The following FMNL3 variants were observed in gnomAD, a reference collection of about 807,000 sequenced individuals.
FMNL3 encodes the protein formin-like protein 3.
Under a neutral mutation model 119.6 loss-of-function variants are expected in FMNL3, and 57 were observed. The observed-to-expected ratio is 0.48, with a 90% CI of 0.39 to 0.59. The LOEUF is 0.59. Ranked by LOEUF, FMNL3 falls within the 20% of genes least tolerant of loss-of-function variation. The probability of loss-of-function intolerance (pLI) is 0.00; values close to 1 mark genes in which losing one functional copy is unlikely to be tolerated. For missense variants in FMNL3, 1,053 were observed against 1,323.5 expected (o/e 0.80, Z 3.17); for synonymous variants, 491 against 507.3 (o/e 0.97, Z 0.43).
intron 5 of FMNL3, among the ~76,000 whole-genome samples, chr12:49,660,218 C>T (rs149431175): frequency 6.3e-4 from 96 of 152,318 alleles, no homozygotes; most frequent in African/African-American, 2.3e-3. Flanking sequence ...CTAAAACACA[C>T]ATTCTCTCCC....
intron 3 of FMNL3, 77 bp from the exon 4 acceptor site, chr12:49,665,985 C>G: frequency 6.4e-7 from 1 of 1,562,878 alleles, no homozygotes; most frequent in Admixed American, 1.7e-5. Flanking sequence ...CCAGCCATTC[C>G]AGGCCCTTGG....
chr12:49,664,029 A>G (rs1227564849), intron 4 of FMNL3, among the ~76,000 whole-genome samples: 1 of 152,140 alleles, frequency 6.6e-6, no homozygotes, highest in Non-Finnish European at 1.5e-5. Flanking sequence ...CAGGCAGATC[A>G]CTTGAGCCCA....
At chr12:49,676,812 T>C (rs1944203677) in intron 1 of FMNL3, among the ~76,000 whole-genome samples, 3 of 152,150 alleles carry the variant, frequency 2.0e-5, no homozygotes, top group South Asian at 2.1e-4. Context: ...ACTTTATATA[T>C]TGCTTTCCCC....
At chr12:49,663,977 G>A (rs1355697072) in intron 4 of FMNL3, among the ~76,000 whole-genome samples, 7 of 152,068 alleles carry the variant, frequency 4.6e-5, no homozygotes, top group African/African-American at 1.4e-4. Context: ...GGCCAGGCAC[G>A]GTGGCTCACA....
At chr12:49,680,567 C>G (rs551870532) in intron 1 of FMNL3, among the ~76,000 whole-genome samples, 3 of 152,344 alleles carry the variant, frequency 2.0e-5, no homozygotes, top group Admixed American at 6.5e-5. Context: ...AGGCTACCCA[C>G]AGCCCAATGC....
intron 4 of FMNL3, among the ~76,000 whole-genome samples, chr12:49,663,976 C>T (rs1285655459): frequency 6.6e-6 from 1 of 152,100 alleles, no homozygotes; most frequent in Non-Finnish European, 1.5e-5. Context: ...AGGCCAGGCA[C>T]GGTGGCTCAC....
intron 1 of FMNL3, among the ~76,000 whole-genome samples, chr12:49,681,282 G>C (rs956965934): frequency 6.6e-6 from 1 of 152,082 alleles, no homozygotes; most frequent in Non-Finnish European, 1.5e-5. Context: ...CTCACTGCAA[G>C]CTCCGCCTCC....
In FMNL3 at chr12:49,644,547, G is replaced by A. The variant is rs1231966228; in HGVS notation, c.*1268C>T. 1 of 297,058 alleles carries A rather than the reference G, an allele frequency of 3.4e-6. No homozygotes were observed. Among genetic ancestry groups the A allele is most frequent in the Non-Finnish European group, 6.6e-6 (1 of 151,822 alleles). 18.4% of individuals were successfully genotyped at this position (297,058 alleles called of 1,614,324 possible). ...CAGAGGGCAGGGTCATCACCCTCTA[G>A]CATCAGTGCCTGCTCCTGCCTGCCC... On this transcript the variant is annotated 3_prime_UTR_variant, in exon 26 of 26. Transcript: ENST00000335154.
chr12:49,691,046 C>A (rs1944587651), intron 1 of FMNL3, among the ~76,000 whole-genome samples: 1 of 152,078 alleles, frequency 6.6e-6, no homozygotes, highest in Non-Finnish European at 1.5e-5. Flanking sequence ...GTCTGAAAAG[C>A]AACAACAAAA....
chr12:49,646,765 G>T, intron 25 of FMNL3, 121 bp downstream of exon 25: 1 of 1,602,134 alleles, frequency 6.2e-7, no homozygotes, highest in East Asian at 2.2e-5. Flanking sequence ...TGTGGCCCAG[G>T]AGAGAGACAC....
intron 1 of FMNL3, among the ~76,000 whole-genome samples, chr12:49,684,012 T>C (rs1944398600): frequency 1.3e-5 from 2 of 152,228 alleles, no homozygotes; most frequent in African/African-American, 2.4e-5. Context: ...ACCTCTCTAC[T>C]GTGCTCTCCC....
rs767446889 is a variant in FMNL3 at position 49,707,101 on chromosome 12, G to C, written c.80C>G (p.Pro27Arg). ...CTCCAGCTCACAGGGCTCAGGCATC[G>C]GCATCTTGCCGGGCGGCAGCAACAA... is the stretch of plus-strand genomic sequence containing the variant. Reference protein sequence around the residue: ...VPLLLPPGKMPMPEPCELEER... With the variant: ...VPLLLPPGKMRMPEPCELEER... The change falls in exon 1 of 26, where the codon CCG becomes CGG. Residue 27 changes from proline (P) to arginine (R), a missense_variant. This residue lies in a region of FMNL3 where 264 missense variants were observed against 265.5 expected (regional missense o/e 0.99). Coordinates refer to ENST00000335154, the MANE Select transcript of FMNL3 (RefSeq NM_175736.5). 3.1e-6 allele frequency: 5 copies of C among 1,602,140 alleles called. No homozygotes were observed. In the Admixed American group the frequency reaches 6.9e-5, roughly 22 times the overall value.
Position 49,639,805 on chromosome 12 carries a change from T to C in FMNL3, c.*6010A>G, listed in dbSNP as rs1315332080. 2.0e-5 allele frequency: 3 copies of C among 152,216 alleles called. No individual in the cohort carries two copies. Among genetic ancestry groups the C allele is most frequent in the Non-Finnish European group, 4.4e-5 (3 of 68,032 alleles). The allele number at this position is 152,216 out of a possible 1,614,324, so 9.4% of individuals were successfully genotyped here. On this transcript the variant is annotated 3_prime_UTR_variant, in exon 26 of 26. Coordinates refer to ENST00000335154, the MANE Select transcript of FMNL3 (RefSeq NM_175736.5). The stretch of plus-strand genomic sequence containing the variant: ...GTCAGGGCAGTGGATGATGGCACTA[T>C]TGATAAGGATAAAACAAGAAGAGCA...
intron 1 of FMNL3, among the ~76,000 whole-genome samples, chr12:49,704,177 C>T (rs553131242): frequency 6.6e-6 from 1 of 152,244 alleles, no homozygotes; most frequent in East Asian, 1.9e-4. Flanking sequence ...GACTGGGAAT[C>T]AGATTAAGTA....
intron 13 of FMNL3, 28 bp downstream of exon 13, chr12:49,653,198 G>T: frequency 6.2e-7 from 1 of 1,604,516 alleles, no homozygotes; most frequent in Non-Finnish European, 8.5e-7. Context: ...GGATCAGTCA[G>T]GGACTGCCTT....
chr12:49,673,152 G>A (rs1366437847), intron 1 of FMNL3, among the ~76,000 whole-genome samples: 1 of 152,274 alleles, frequency 6.6e-6, no homozygotes, highest in Non-Finnish European at 1.5e-5. Context: ...CAGCCCATGG[G>A]GACAGGGAGT....
At chr12:49,658,103 C>T (rs115193888) in intron 6 of FMNL3, among the ~76,000 whole-genome samples, 2,138 of 152,154 alleles carry the variant, frequency 0.014, 48 homozygotes, top group African/African-American at 0.048. Context: ...CCAGTGAAGG[C>T]CATGGACCTG....
At chr12:49,698,209 T>G (rs1944804304) in intron 1 of FMNL3, among the ~76,000 whole-genome samples, 1 of 152,060 alleles carries the variant, frequency 6.6e-6, no homozygotes, top group South Asian at 2.1e-4. Context: ...ATCTTCCCTG[T>G]TGGTGTGTAT....
chr12:49,659,220 C>T (rs1192600298), intron 5 of FMNL3, among the ~76,000 whole-genome samples: 3 of 152,176 alleles, frequency 2.0e-5, no homozygotes, highest in Non-Finnish European at 4.4e-5. Flanking sequence ...ACCAGGTTCT[C>T]TATGGTTCTG....
Sources: allele counts gnomAD v4.1 joint callset (sites outside exome capture counted in the v4.1 genomes callset), GRCh38; gene constraint gnomAD v4.1.1; regional missense constraint gnomAD v4.1.1; transcripts MANE v1.5; gene names NCBI Gene and HGNC (gene_info 2026-07-23, HGNC 2026-07-21).